TWIST2: variants seen among roughly 807,000 people sequenced by gnomAD.
The protein encoded by TWIST2 is twist family bHLH transcription factor 2.
TWIST2 carries 1 observed loss-of-function variant against 11.6 expected under a neutral mutation model. The observed-to-expected ratio is 0.09, with a 90% CI of 0.03 to 0.41. The LOEUF (loss-of-function observed/expected upper bound fraction) is 0.41. TWIST2 is among the 10% of genes least tolerant of loss of function. The pLI, the probability that TWIST2 is intolerant of heterozygous loss-of-function variation, is 0.98. For missense variants in TWIST2, 168 were observed against 226.4 expected (o/e 0.74, Z 1.66); for synonymous variants, 87 against 96.6 (o/e 0.90, Z 0.58).
At chr2:238,891,705 C>T (rs1194129265) in intron 1 of TWIST2, among the ~76,000 whole-genome samples, 2 of 152,204 alleles carry the variant, frequency 1.3e-5, no homozygotes, top group African/African-American at 4.8e-5. Context: ...TGGCTGACAG[C>T]ACCCTCACTC....
chr2:238,872,169 C>T (rs1176778434), intron 1 of TWIST2, among the ~76,000 whole-genome samples: 1 of 152,208 alleles, frequency 6.6e-6, no homozygotes, highest in Non-Finnish European at 1.5e-5. Flanking sequence ...CCCATGCTCT[C>T]TATCCCACTA....
chr2:238,871,430 G>A (rs1163150683), intron 1 of TWIST2, among the ~76,000 whole-genome samples: 9 of 22,662 alleles, frequency 4.0e-4, no homozygotes, highest in African/African-American at 9.6e-4. Flanking sequence ...AACCCCACAC[G>A]CCACACACAC....
intron 1 of TWIST2, among the ~76,000 whole-genome samples, chr2:238,872,824 C>A (rs561625991): frequency 2.0e-5 from 3 of 152,338 alleles, no homozygotes; most frequent in Admixed American, 6.5e-5. Context: ...CCCAGAGGCA[C>A]ACGCTCCGCA....
Position 238,866,193 on chromosome 2 carries a change from C to T in TWIST2, c.*35+17460C>T, listed in dbSNP as rs1022259003. 6.6e-6 allele frequency among the ~76,000 whole-genome samples: 1 copy of T among 152,212 alleles called. No homozygotes were observed. Among genetic ancestry groups the T allele is most frequent in the African/African-American group, 2.4e-5 (1 of 41,452 alleles). On this transcript the variant is annotated intron_variant, in intron 1 of 1. Coordinates refer to ENST00000612363, the MANE Select transcript of TWIST2 (RefSeq NM_001271893.4). The surrounding 1 kb of genome is among the most constrained non-coding windows in gnomAD (Gnocchi z 4.9). ...GGCACCGCCCAGGTTCCCCATGGCA[C>T]GGGCCCTGCCTGCTCTTCTGTGAGC...
intron 1 of TWIST2, among the ~76,000 whole-genome samples, chr2:238,877,192 A>G (rs996828515): frequency 6.6e-5 from 10 of 152,188 alleles, no homozygotes; most frequent in African/African-American, 1.2e-4. Flanking sequence ...GCAAGATTCC[A>G]TCTCAAAACA....
intron 1 of TWIST2, among the ~76,000 whole-genome samples, chr2:238,907,163 C>G (rs978126451): frequency 2.0e-5 from 3 of 152,148 alleles, no homozygotes; most frequent in Admixed American, 1.3e-4. Context: ...TGAGGCGCGG[C>G]GCGGGGCCCA....
chr2:238,865,429 C>T (rs1692513699), intron 1 of TWIST2, among the ~76,000 whole-genome samples: 1 of 152,222 alleles, frequency 6.6e-6, no homozygotes, highest in African/African-American at 2.4e-5. Context: ...GGCGTTCCTA[C>T]ACCCCTGCAG....
intron 1 of TWIST2, among the ~76,000 whole-genome samples, chr2:238,890,573 A>G (rs958023135): frequency 1.3e-5 from 2 of 152,346 alleles, no homozygotes; most frequent in African/African-American, 2.4e-5. Context: ...CTAGTTCTGG[A>G]AAAAAATTCA....
chr2:238,907,907 C>G (rs1025390176), intron 1 of TWIST2, among the ~76,000 whole-genome samples: 21 of 131,116 alleles, frequency 1.6e-4, no homozygotes, highest in African/African-American at 6.0e-4. Flanking sequence ...CCCCCACTTA[C>G]AAACACACAC....
At chr2:238,881,771 A>T (rs1692939802) in intron 1 of TWIST2, among the ~76,000 whole-genome samples, 1 of 152,146 alleles carries the variant, frequency 6.6e-6, no homozygotes, top group African/African-American at 2.4e-5. Flanking sequence ...GGAATGCTGC[A>T]TCTATAAATC....
At chr2:238,886,782 A>G (rs966854405) in intron 1 of TWIST2, 9 of 152,124 alleles carry the variant, frequency 5.9e-5, no homozygotes, top group Admixed American at 3.3e-4. Context: ...CCACCAGAGG[A>G]GATTCTGAAT....
At position 238,901,994 on chromosome 2, in the gene TWIST2, G is replaced by A. The variant is rs1046892142; in HGVS notation, c.*36-7848G>A. On this transcript the variant is annotated intron_variant, in intron 1 of 1. Coordinates refer to ENST00000612363, the MANE Select transcript of TWIST2 (RefSeq NM_001271893.4). ...GTCCTGTGGAGGCAAAGCCTCCTCC[G>A]CTGTGATGCCAGGGGCTGAGGAAAG... Among the ~76,000 whole-genome samples the A allele has an allele frequency of 5.7e-4, 87 of 152,230 alleles. 1 individual carries two copies. The East Asian group carries it at 0.014, about 25-fold the overall frequency.
At chr2:238,850,956 T>A (rs977284987) in intron 1 of TWIST2, among the ~76,000 whole-genome samples, 20 of 152,248 alleles carry the variant, frequency 1.3e-4, no homozygotes, top group Non-Finnish European at 8.8e-5. Context: ...GGCAGACATC[T>A]TGTCATTCTT....
At chr2:238,894,837 C>T (rs953221612) in intron 1 of TWIST2, among the ~76,000 whole-genome samples, 1 of 152,168 alleles carries the variant, frequency 6.6e-6, no homozygotes, top group African/African-American at 2.4e-5. Context: ...TGTCACCTTC[C>T]CTGTATGTTT....
At chr2:238,902,178 G>T (rs1693275214) in intron 1 of TWIST2, among the ~76,000 whole-genome samples, 1 of 152,074 alleles carries the variant, frequency 6.6e-6, no homozygotes, top group Non-Finnish European at 1.5e-5. Flanking sequence ...AATGGTGTGT[G>T]TGTGTGTGCA....
intron 1 of TWIST2, among the ~76,000 whole-genome samples, chr2:238,852,719 A>G (rs1297619321): frequency 1.3e-5 from 2 of 152,208 alleles, no homozygotes; most frequent in African/African-American, 2.4e-5. Context: ...AAAACTGGTG[A>G]AATCTGAATG....
At chr2:238,884,548 A>G (rs369867550) in intron 1 of TWIST2, among the ~76,000 whole-genome samples, 3 of 152,220 alleles carry the variant, frequency 2.0e-5, no homozygotes, top group African/African-American at 7.2e-5. Context: ...GGCACGTTCA[A>G]GGGTGTGGTT....
At chr2:238,896,682 G>A (rs1310682476) in intron 1 of TWIST2, among the ~76,000 whole-genome samples, 2 of 152,186 alleles carry the variant, frequency 1.3e-5, no homozygotes, top group Admixed American at 1.3e-4. Flanking sequence ...GGGTGTGAGT[G>A]GGGGAATCTC....
chr2:238,887,569 A>G (rs1693063416), intron 1 of TWIST2, among the ~76,000 whole-genome samples: 1 of 152,156 alleles, frequency 6.6e-6, no homozygotes, highest in African/African-American at 2.4e-5. Context: ...GTCCTCTGGA[A>G]AGTCGACTCT....
Sources: gnomAD v4.1 joint callset for allele counts (sites outside exome capture counted in the v4.1 genomes callset) on GRCh38, gnomAD v4.1.1 for gene constraint, Gnocchi (gnomAD v3.1) non-coding constraint, MANE v1.5 for transcripts, NCBI Gene and HGNC (gene_info 2026-07-23, HGNC 2026-07-21) for gene names.